The following ULK4 variants were observed in gnomAD, a reference collection of about 807,000 sequenced individuals.
ULK4 encodes the protein unc-51 like kinase 4, also known as inactive serine/threonine-protein kinase ULK4.
Under a neutral mutation model 160.6 loss-of-function variants are expected in ULK4, and 133 were observed. That is an observed-to-expected ratio of 0.83 (90% CI 0.72 to 0.96). The LOEUF is 0.96. ULK4 is among the 40% of genes least tolerant of loss of function. The pLI, the probability that ULK4 is intolerant of heterozygous loss-of-function variation, is 0.00. For missense variants in ULK4, 1,580 were observed against 1,499.5 expected (o/e 1.05, Z -0.89); for synonymous variants, 534 against 539.8 (o/e 0.99, Z 0.15).
At chr3:41,474,738 C>T (rs1318412122) in intron 32 of ULK4, among the ~76,000 whole-genome samples, 1 of 147,360 alleles carries the variant, frequency 6.8e-6, no homozygotes, top group Non-Finnish European at 1.5e-5. Context: ...CCACGAGATA[C>T]ATGAAAAGAT....
chr3:41,915,824 T>C (rs1182190893), intron 8 of ULK4, among the ~76,000 whole-genome samples, 153 bp downstream of exon 8: 1 of 152,138 alleles, frequency 6.6e-6, no homozygotes, highest in Non-Finnish European at 1.5e-5. Context: ...AATAATAATT[T>C]GAATAGCTAT....
intron 29 of ULK4, among the ~76,000 whole-genome samples, chr3:41,671,571 T>C (rs934003768): frequency 2.0e-5 from 3 of 152,086 alleles, no homozygotes; most frequent in African/African-American, 7.2e-5. Context: ...CTGTCTCTCA[T>C]CATATATAAT....
At chr3:41,393,623 T>G (rs1376618324) in intron 35 of ULK4, among the ~76,000 whole-genome samples, 1 of 152,202 alleles carries the variant, frequency 6.6e-6, no homozygotes, top group Admixed American at 6.5e-5. Context: ...GTTGCTTCCA[T>G]GTCTCTCTGG....
At chr3:41,467,280 C>T (rs2083858645) in intron 32 of ULK4, among the ~76,000 whole-genome samples, 1 of 152,190 alleles carries the variant, frequency 6.6e-6, no homozygotes, top group Admixed American at 6.5e-5. Context: ...GTAATTCCAG[C>T]ACTTTGGGAG....
intron 22 of ULK4, among the ~76,000 whole-genome samples, chr3:41,744,399 A>G (rs560124769): frequency 3.8e-4 from 58 of 152,160 alleles, no homozygotes; most frequent in African/African-American, 1.4e-3. Flanking sequence ...TAAAGGCAGG[A>G]GTGACTGTAT....
intron 35 of ULK4, among the ~76,000 whole-genome samples, chr3:41,393,995 A>C (rs2125810290): frequency 6.6e-6 from 1 of 152,274 alleles, no homozygotes; most frequent in African/African-American, 2.4e-5. Flanking sequence ...ATAATCTGGG[A>C]ACAATCACTG....
intron 32 of ULK4, among the ~76,000 whole-genome samples, chr3:41,543,270 T>G (rs1253645536): frequency 1.3e-5 from 2 of 152,136 alleles, no homozygotes; most frequent in African/African-American, 4.8e-5. Flanking sequence ...TCAGTTCACA[T>G]GTCATCAAGA....
chr3:41,408,156 C>T (rs528290490), intron 34 of ULK4, among the ~76,000 whole-genome samples: 20 of 151,722 alleles, frequency 1.3e-4, no homozygotes, highest in South Asian at 6.3e-4. Context: ...AGGCCAGGCA[C>T]GGTGGCTCAT....
At chr3:41,762,163 C>T (rs761901729) in intron 21 of ULK4, among the ~76,000 whole-genome samples, 2 of 152,110 alleles carry the variant, frequency 1.3e-5, no homozygotes, top group Non-Finnish European at 2.9e-5. Flanking sequence ...AATTTTTTAA[C>T]TCTGTATTAA....
chr3:41,873,753 A>T (rs941214789), intron 17 of ULK4, among the ~76,000 whole-genome samples: 7 of 151,944 alleles, frequency 4.6e-5, no homozygotes, highest in Non-Finnish European at 1.0e-4. Flanking sequence ...GAGTTTCACC[A>T]TATTGGTTAG....
At chr3:41,387,137 T>G (rs2081832555) in intron 35 of ULK4, among the ~76,000 whole-genome samples, 1 of 152,144 alleles carries the variant, frequency 6.6e-6, no homozygotes, top group African/African-American at 2.4e-5. Flanking sequence ...ATTCATGGGG[T>G]ACACAGTAAG....
chr3:41,390,663 G>T (rs913876502), intron 35 of ULK4, among the ~76,000 whole-genome samples: 19 of 151,968 alleles, frequency 1.3e-4, no homozygotes, highest in Non-Finnish European at 2.6e-4. Context: ...CAGTTTCCAT[G>T]TAGTTGAGCG....
At chr3:41,528,939 C>G (rs901663952) in intron 32 of ULK4, among the ~76,000 whole-genome samples, 7 of 152,074 alleles carry the variant, frequency 4.6e-5, no homozygotes, top group African/African-American at 1.7e-4. Context: ...CACATGTCTG[C>G]CTATGTAGCG....
At chr3:41,486,615 C>T (rs1390340) in intron 32 of ULK4, among the ~76,000 whole-genome samples, 151,588 of 152,236 alleles carry the variant, frequency 1, 75,477 homozygotes, top group Middle Eastern at 1. Flanking sequence ...ATTTGTGCTA[C>T]TGGTTTGGGG....
intron 34 of ULK4, among the ~76,000 whole-genome samples, chr3:41,433,641 A>G (rs2082963647): frequency 6.6e-6 from 1 of 152,222 alleles, no homozygotes; most frequent in Non-Finnish European, 1.5e-5. Context: ...GTATGTTCAT[A>G]CAGTACCACA....
At chr3:41,504,046 A>C (rs147279725) in intron 32 of ULK4, among the ~76,000 whole-genome samples, 2 of 152,340 alleles carry the variant, frequency 1.3e-5, no homozygotes, top group African/African-American at 2.4e-5. Context: ...GAAATATTAG[A>C]AATTTTTCTT....
At chr3:41,746,289 AAAAAAAAC>A (rs1255053438) in intron 22 of ULK4, among the ~76,000 whole-genome samples, 6 of 148,590 alleles carry the variant, frequency 4.0e-5, no homozygotes, top group Non-Finnish European at 6.0e-5. Flanking sequence ...AAAAAAAAAA[AAAAAAAAC>A]CACCTACAAC....
intron 35 of ULK4, among the ~76,000 whole-genome samples, chr3:41,265,562 C>A (rs750130641): frequency 2.0e-5 from 3 of 152,136 alleles, no homozygotes; most frequent in Non-Finnish European, 4.4e-5. Context: ...CGTCAGGCAC[C>A]AATTAATCAA....
At chr3:41,947,307 A>G (rs1287842980) in intron 2 of ULK4, among the ~76,000 whole-genome samples, 1 of 152,154 alleles carries the variant, frequency 6.6e-6, no homozygotes, top group Non-Finnish European at 1.5e-5. Context: ...CGAGACAGGT[A>G]AATTATGACA....
Sources: allele counts gnomAD v4.1 joint callset (sites outside exome capture counted in the v4.1 genomes callset), GRCh38; gene constraint gnomAD v4.1.1; transcripts MANE v1.5; gene names NCBI Gene and HGNC (gene_info 2026-07-23, HGNC 2026-07-21).